The following LPAR3 variants were observed in gnomAD, a reference collection of about 807,000 sequenced individuals.
LPAR3 encodes the protein LPA receptor 3.
Under a neutral mutation model 17.8 loss-of-function variants are expected in LPAR3, and 7 were observed. The observed-to-expected ratio is 0.39, with a 90% CI of 0.22 to 0.74. The LOEUF (loss-of-function observed/expected upper bound fraction) is 0.74, where lower values mean the gene tolerates loss of function less well. Among genes scored for constraint, LPAR3 ranks in the 30% least tolerant of loss-of-function variants. The pLI is 0.40. For missense variants in LPAR3, 391 were observed against 453.4 expected (o/e 0.86, Z 1.25); for synonymous variants, 179 against 179.9 (o/e 0.99, Z 0.04).
chr1:84,875,256 T>C (rs186968997), intron 1 of LPAR3, among the ~76,000 whole-genome samples: 283 of 152,346 alleles, frequency 1.9e-3, no homozygotes, highest in Non-Finnish European at 3.0e-3. Flanking sequence ...ATTCTTCTTA[T>C]ACAAAGTACC....
At chr1:84,880,999 A>G (rs1195359587) in intron 1 of LPAR3, among the ~76,000 whole-genome samples, 1 of 152,194 alleles carries the variant, frequency 6.6e-6, no homozygotes, top group African/African-American at 2.4e-5. Context: ...GGCCCCTGTT[A>G]CTTGTCTTCA....
intron 2 of LPAR3, among the ~76,000 whole-genome samples, chr1:84,856,554 T>C (rs1326459097): frequency 9.2e-5 from 14 of 152,054 alleles, no homozygotes; most frequent in South Asian, 2.1e-4. Flanking sequence ...TACTTTTTTT[T>C]TCTCTCTCTC....
chr1:84,862,276 C>T (rs1659954883), intron 2 of LPAR3, among the ~76,000 whole-genome samples: 1 of 152,192 alleles, frequency 6.6e-6, no homozygotes, highest in South Asian at 2.1e-4. Flanking sequence ...TTTTCTTGTT[C>T]TTGTCCATTT....
chr1:84,853,889 C>A (rs1659767266), intron 2 of LPAR3, among the ~76,000 whole-genome samples: 1 of 152,212 alleles, frequency 6.6e-6, no homozygotes, highest in South Asian at 2.1e-4. Flanking sequence ...TGGCCACAGG[C>A]CTATTTAATT....
rs144299751 is a variant in LPAR3, at chr1:84,815,827, T to C, written c.737-1656A>G. ...GCTCTGTTTCCACAAAAAATATCTATATGTTTAGTAGCTAGCAGGGGGGTT... is the reference window on the plus strand; with the variant it reads ...GCTCTGTTTCCACAAAAAATATCTACATGTTTAGTAGCTAGCAGGGGGGTT... On this transcript the variant is annotated intron_variant, in intron 2 of 2. Coordinates refer to ENST00000370611, the MANE Select transcript of LPAR3 (RefSeq NM_012152.3). Among the ~76,000 whole-genome samples, 222 of 152,292 alleles carry C rather than the reference T, an allele frequency of 1.5e-3. 1 individual carries two copies. The highest frequency in any genetic ancestry group is 6.8e-3 in the Middle Eastern group (2 of 294).
intron 1 of LPAR3, among the ~76,000 whole-genome samples, chr1:84,892,541 A>G (rs540268890): frequency 2.0e-5 from 3 of 152,268 alleles, no homozygotes; most frequent in African/African-American, 7.2e-5. Context: ...ACATGGTTCA[A>G]GCTGTTCCCC....
intron 2 of LPAR3, among the ~76,000 whole-genome samples, chr1:84,840,882 T>C (rs886292173): frequency 6.6e-6 from 1 of 152,232 alleles, no homozygotes; most frequent in Non-Finnish European, 1.5e-5. Flanking sequence ...AGTCTTTTGC[T>C]CAAAGATTAC....
chr1:84,880,907 A>AT (rs1660352709), intron 1 of LPAR3, among the ~76,000 whole-genome samples: 2 of 152,192 alleles, frequency 1.3e-5, no homozygotes, highest in South Asian at 4.1e-4. Context: ...GAGGGGAAGC[A>AT]TGGACCAACC....
intron 1 of LPAR3, among the ~76,000 whole-genome samples, chr1:84,888,920 G>A (rs57637089): frequency 0.025 from 3,872 of 152,266 alleles, 180 homozygotes; most frequent in African/African-American, 0.088. Context: ...AGGAAGGGGT[G>A]GGGCAGGCTG....
At chr1:84,878,157 A>G (rs1660292683) in intron 1 of LPAR3, among the ~76,000 whole-genome samples, 1 of 152,202 alleles carries the variant, frequency 6.6e-6, no homozygotes, top group African/African-American at 2.4e-5. Flanking sequence ...TTGAACCACA[A>G]ACAGAATCTG....
At chr1:84,851,622 T>C (rs1376347427) in intron 2 of LPAR3, among the ~76,000 whole-genome samples, 5 of 152,192 alleles carry the variant, frequency 3.3e-5, no homozygotes, top group Non-Finnish European at 7.3e-5. Flanking sequence ...AGAGAAAATA[T>C]CATAGAGAAG....
At chr1:84,891,441 G>T (rs1474035992) in intron 1 of LPAR3, among the ~76,000 whole-genome samples, 1 of 152,168 alleles carries the variant, frequency 6.6e-6, no homozygotes, top group African/African-American at 2.4e-5. Context: ...ACTCTGACTG[G>T]CAGGGTTTGC....
At chr1:84,851,292 G>A (rs888660186) in intron 2 of LPAR3, among the ~76,000 whole-genome samples, 1 of 152,108 alleles carries the variant, frequency 6.6e-6, no homozygotes, top group African/African-American at 2.4e-5. Context: ...TCTCTTCCAC[G>A]TTCTCCTTCC....
At chr1:84,826,237 C>T (rs1659154399) in intron 2 of LPAR3, among the ~76,000 whole-genome samples, 1 of 151,524 alleles carries the variant, frequency 6.6e-6, no homozygotes, top group Non-Finnish European at 1.5e-5. Flanking sequence ...CTGATTTTTA[C>T]AGATAGTCTG....
intron 2 of LPAR3, among the ~76,000 whole-genome samples, chr1:84,844,652 T>C (rs72942443): frequency 4.5e-4 from 68 of 152,314 alleles, no homozygotes; most frequent in African/African-American, 1.6e-3. Context: ...TGTAGCCTTA[T>C]ATAGCCACTG....
rs2102745986 is a variant in LPAR3, at chr1:84,822,985, T to C, written c.737-8814A>G. Among the ~76,000 whole-genome samples the C allele has an allele frequency of 2.0e-5, 3 of 152,314 alleles. 1 individual carries two copies. The South Asian group carries it at 6.2e-4, about 32-fold the overall frequency. On this transcript the variant is annotated intron_variant, in intron 2 of 2. Transcript: ENST00000370611. ...TTTAAATCTGTTCACTGTCTTAATC[T>C]TTGTTTTTAGTCCAGGAAAAAGCAG...
chr1:84,838,086 G>A (rs1282234858), intron 2 of LPAR3, among the ~76,000 whole-genome samples: 1 of 152,120 alleles, frequency 6.6e-6, no homozygotes, highest in African/African-American at 2.4e-5. Context: ...GGCATAAAGA[G>A]CACAGGCCAG....
In LPAR3 at chr1:84,814,018, T is replaced by C; in HGVS notation, c.890A>G (p.Asp297Gly). The C allele has an allele frequency of 6.2e-7, 1 of 1,614,132 alleles. No individual in the cohort carries two copies. Among genetic ancestry groups the C allele is most frequent in the Non-Finnish European group, 8.5e-7 (1 of 1,180,032 alleles). Residue 297 changes from aspartate to glycine, a missense_variant, in exon 3 of 3, where the codon GAC becomes GGC. By Grantham distance (94) the Asp-to-Gly change is moderately conservative (BLOSUM62 -1). Coordinates refer to ENST00000370611, the MANE Select transcript of LPAR3 (RefSeq NM_012152.3). ...CTTCATGGTGCCATACATGTCCTCG[T>C]CCTTGTAGGAGTAGATGATGGGGTT... ...VVNPIIYSYK[D>G]EDMYGTMKKM...
Position 84,865,557 on chromosome 1 carries a change from A to G in LPAR3, c.564T>C (p.Leu188=), listed in dbSNP as rs1270316924. The change falls in exon 2 of 3, where the codon CTT becomes CTC. Residue 188 remains leucine, a synonymous_variant. Coordinates refer to ENST00000370611, the MANE Select transcript of LPAR3 (RefSeq NM_012152.3). The part of the protein sequence containing the change: ...SLAPIYSRSY[L]VFWTVSNLMA... ...TGAGGTTGGACACTGTCCAGAAAACAAGGTAACTCCTGCTGTAAATGGGGG... is the reference window on the plus strand; with the variant it reads ...TGAGGTTGGACACTGTCCAGAAAACGAGGTAACTCCTGCTGTAAATGGGGG... The G allele has an allele frequency of 6.2e-7, 1 of 1,614,242 alleles. No homozygotes were observed. Among genetic ancestry groups the G allele is most frequent in the South Asian group, 1.1e-5 (1 of 91,092 alleles).
Sources: allele counts gnomAD v4.1 joint callset (sites outside exome capture counted in the v4.1 genomes callset), GRCh38; gene constraint gnomAD v4.1.1; transcripts MANE v1.5; gene names NCBI Gene and HGNC (gene_info 2026-07-23, HGNC 2026-07-21).